Variants in ZNF713 observed in about 807,000 individuals in gnomAD.
ZNF713 encodes the protein zinc finger protein 713.
Under a neutral mutation model 28.7 loss-of-function variants are expected in ZNF713, and 21 were observed. The ratio of observed to expected loss-of-function variants is 0.73; its 90% CI spans 0.52 to 1.05. The LOEUF is 1.05. Ranked by LOEUF, ZNF713 falls within the 50% of genes least tolerant of loss-of-function variation. The pLI, the probability that ZNF713 is intolerant of heterozygous loss-of-function variation, is 0.00. For missense variants in ZNF713, 458 were observed against 532.4 expected, an observed-to-expected ratio of 0.86 and a Z score of 1.37; for synonymous variants, 167 against 178.0, an observed-to-expected ratio of 0.94 and a Z score of 0.49.
At chr7:55,892,871 GAAAAA>G (rs1194009107) in intron 1 of ZNF713, among the ~76,000 whole-genome samples, 53 of 123,636 alleles carry the variant, frequency 4.3e-4, no homozygotes, top group Non-Finnish European at 7.9e-4. Context: ...AATTGTTTGG[GAAAAA>G]AAAAAAAAAA....
chr7:55,920,005 C>T (rs892043175), intron 4 of ZNF713, among the ~76,000 whole-genome samples: 1 of 152,132 alleles, frequency 6.6e-6, no homozygotes, highest in Non-Finnish European at 1.5e-5. Context: ...CTGACTGCTC[C>T]ACCATCTGGC....
intron 1 of ZNF713, among the ~76,000 whole-genome samples, chr7:55,892,341 C>G (rs144001298): frequency 6.7e-6 from 1 of 149,408 alleles, no homozygotes; most frequent in African/African-American, 2.5e-5. Flanking sequence ...GTGTTCGTGC[C>G]ATACAGAACC....
At chr7:55,909,196 C>CA (rs71015121) in intron 2 of ZNF713, among the ~76,000 whole-genome samples, 9,929 of 52,728 alleles carry the variant, frequency 0.19, 752 homozygotes, top group African/African-American at 0.23. Flanking sequence ...AAGACTCCGT[C>CA]AAAAAAAAAA....
At chr7:55,919,341 T>C (rs1364611312) in intron 4 of ZNF713, among the ~76,000 whole-genome samples, 1 of 152,176 alleles carries the variant, frequency 6.6e-6, no homozygotes, top group Non-Finnish European at 1.5e-5. Flanking sequence ...ACCTGTCCTC[T>C]CTTAAACGCA....
Position 55,912,883 on chromosome 7 carries a change from T to TGTAGCC in ZNF713, c.87+165_87+166insCGTAGC, listed in dbSNP as rs1005600260. Among the ~76,000 whole-genome samples, 109 of 152,374 alleles carry TGTAGCC rather than the reference T, an allele frequency of 7.2e-4. 1 individual carries two copies. Among genetic ancestry groups the TGTAGCC allele is most frequent in the African/African-American group, 2.5e-3 (106 of 41,600 alleles). On this transcript the variant is annotated intron_variant, in intron 4 of 6. Transcript: ENST00000429591. The stretch of plus-strand genomic sequence containing the variant: ...CCACAGCATGTTTTCCATTCACCTA[T>TGTAGCC]GTAGCTCTTTCTAGCTCTTCCCTCC...
chr7:55,887,847 GCGGCGGC>G lies in ZNF713; in HGVS notation c.-583+168_-583+174del, dbSNP rs1785296702. On this transcript the variant is annotated intron_variant, in intron 1 of 6. Transcript: ENST00000429591. ...GGCGGGCGGCGGGCGGCGGGCGGCG[GCGGCGGC>G]GGGCGGCGGGCGGCGGCGGCGGCGG... Among the ~76,000 whole-genome samples, 13 of 5,128 alleles carry G rather than the reference GCGGCGGC, an allele frequency of 2.5e-3. 3 individuals are homozygous for G. The highest frequency in any genetic ancestry group is 0.024 in the African/African-American group (13 of 546). 3.4% of individuals were successfully genotyped at this position (5,128 alleles called of 152,430 possible). A position where few individuals can be genotyped will look rare whatever the true frequency, so the allele number is the denominator to read the frequency against.
intron 4 of ZNF713, among the ~76,000 whole-genome samples, chr7:55,919,504 T>TTTTTGTTTTTTTTTTTG (rs1562743541): frequency 1.7e-5 from 1 of 58,468 alleles, no homozygotes; most frequent in Non-Finnish European, 3.1e-5. Flanking sequence ...TTTTTTTTTT[T>TTTTTGTTTTTTTTTTTG]TTTTTTTTTT....
rs1786479336 is a variant in ZNF713 at position 55,942,031 on chromosome 7, C to A, written c.*2025C>A. The A allele has an allele frequency of 6.6e-6, 1 of 151,922 alleles. No individual in the cohort carries two copies. The highest frequency in any genetic ancestry group is 2.4e-5 in the African/African-American group (1 of 41,350). 9.4% of individuals were successfully genotyped at this position (151,922 alleles called of 1,614,324 possible). A position where few individuals can be genotyped will look rare whatever the true frequency, so the allele number is the denominator to read the frequency against. On this transcript the variant is annotated 3_prime_UTR_variant, in exon 7 of 7. Transcript: ENST00000429591. ...TTTTTTTCAGTTAAAATTATTTCTG[C>A]TGTATTTGTAGAACAGAAGTTTTGG...
chr7:55,923,489 T>C, intron 5 of ZNF713, 118 bp from the exon 6 acceptor site: 1 of 1,100,664 alleles, frequency 9.1e-7, no homozygotes, highest in Admixed American at 2.5e-5. Flanking sequence ...AGTGGCTTTA[T>C]TTTGCTGCCT....
intron 4 of ZNF713, among the ~76,000 whole-genome samples, chr7:55,918,774 C>G (rs1264695167): frequency 6.6e-6 from 1 of 152,034 alleles, no homozygotes; most frequent in African/African-American, 2.4e-5. Context: ...CAAGGCCTCA[C>G]TCGAGGTCAG....
intron 6 of ZNF713, among the ~76,000 whole-genome samples, chr7:55,928,792 G>A (rs1478155028): frequency 6.6e-6 from 1 of 152,070 alleles, no homozygotes; most frequent in Non-Finnish European, 1.5e-5. Context: ...AAATAGACAT[G>A]CCAAGATGGC....
intron 4 of ZNF713, chr7:55,917,963 C>A (rs1473052099): frequency 4.5e-6 from 2 of 445,564 alleles, no homozygotes; most frequent in Non-Finnish European, 9.1e-6. Context: ...TGACAGATTG[C>A]ATTTTCAGAA....
intron 4 of ZNF713, among the ~76,000 whole-genome samples, chr7:55,914,949 G>C (rs1212454757): frequency 6.6e-6 from 1 of 152,138 alleles, no homozygotes; most frequent in Non-Finnish European, 1.5e-5. Flanking sequence ...CCGCCTCCCG[G>C]GTTCAAGTGA....
At position 55,939,072 on chromosome 7, in the gene ZNF713, T is replaced by C; in HGVS notation, c.398T>C (p.Leu133Pro). Residue 133 changes from leucine (L) to proline (P), a missense_variant, in exon 7 of 7, where the codon CTC becomes CCC. Transcript: ENST00000429591. ...ACCCATGAGATGATAATGGAGAGAC[T>C]CGCAGGAGACAGCTTCTGGTACTCC... ...NQTHEMIMER[L>P]AGDSFWYSIL... is the part of the protein sequence containing the mutation. 6.2e-7 allele frequency: 1 copy of C among 1,614,108 alleles called. No homozygotes were observed. The highest frequency in any genetic ancestry group is 8.5e-7 in the Non-Finnish European group (1 of 1,179,998).
intron 1 of ZNF713, among the ~76,000 whole-genome samples, chr7:55,890,173 G>A (rs532773234): frequency 3.9e-5 from 6 of 152,070 alleles, no homozygotes; most frequent in East Asian, 1.9e-4. Flanking sequence ...TTACAGGCCC[G>A]GCGCAGTGGC....
At chr7:55,905,875 G>A (rs1029204238) in intron 1 of ZNF713, among the ~76,000 whole-genome samples, 3 of 151,894 alleles carry the variant, frequency 2.0e-5, no homozygotes, top group Admixed American at 6.6e-5. Context: ...AGACCGAGAC[G>A]GGCGCATCAC....
chr7:55,912,672 G>GA lies in ZNF713; in HGVS notation c.38dup (p.Asn13LysfsTer9). 1.2e-6 allele frequency: 2 copies of GA among 1,613,558 alleles called. No homozygotes were observed. Among genetic ancestry groups the GA allele is most frequent in the Non-Finnish European group, 1.7e-6 (2 of 1,179,844 alleles). The stretch of plus-strand genomic sequence containing the variant: ...AGAATGCTGTTTTTTCTCAGGAGGG[G>GA]AACATGGAGGAGGAAGAAATGAATG... On this transcript the variant is annotated frameshift_variant, in exon 4 of 7. Transcript: ENST00000429591. LOFTEE classifies it high-confidence loss of function.
chr7:55,940,385 A>G lies in ZNF713; in HGVS notation c.*379A>G, dbSNP rs972222264. The G allele has an allele frequency of 3.1e-6, 3 of 957,540 alleles. No homozygotes were observed. The highest frequency in any genetic ancestry group is 3.7e-6 in the Non-Finnish European group (3 of 801,788). The allele number at this position is 957,540 out of a possible 1,614,324, so 59.3% of individuals were successfully genotyped here. ...GTGATCCGCCCACCTCGGCCTCCCA[A>G]AGTGCTGGGATTACAGGCGTGGGCC... On this transcript the variant is annotated 3_prime_UTR_variant, in exon 7 of 7. Transcript: ENST00000429591.
chr7:55,901,438 C>G (rs1456341673), intron 1 of ZNF713, among the ~76,000 whole-genome samples: 4 of 152,280 alleles, frequency 2.6e-5, no homozygotes, highest in Admixed American at 1.3e-4. Flanking sequence ...GAGACACAGC[C>G]AAACCACATC....
Sources: allele counts gnomAD v4.1 joint callset (sites outside exome capture counted in the v4.1 genomes callset), GRCh38; gene constraint gnomAD v4.1.1; transcripts MANE v1.5; gene names NCBI Gene and HGNC (gene_info 2026-07-23, HGNC 2026-07-21).